Variants in TMC1 observed in about 807,000 individuals in gnomAD.
TMC1 encodes transmembrane channel-like protein 1.
TMC1 carries 84 observed loss-of-function variants against 105.8 expected under a neutral mutation model. The ratio of observed to expected loss-of-function variants is 0.79; its 90% CI spans 0.67 to 0.95. The LOEUF is 0.95. Ranked by LOEUF, TMC1 falls within the 40% of genes least tolerant of loss-of-function variation. The pLI, the probability that TMC1 is intolerant of heterozygous loss-of-function variation, is 0.00. For synonymous variants in TMC1, 315 were observed against 311.5 expected, an observed-to-expected ratio of 1.01 and a Z score of -0.12; for missense variants, 817 against 914.1, an observed-to-expected ratio of 0.89 and a Z score of 1.37.
At chr9:72,669,342 G>A (rs1424931694) in intron 5 of TMC1, among the ~76,000 whole-genome samples, 1 of 152,026 alleles carries the variant, frequency 6.6e-6, no homozygotes, top group Admixed American at 6.6e-5. Flanking sequence ...AATTTACAAA[G>A]TACAGAAAAT....
At chr9:72,829,697 G>T (rs1028418415) in intron 21 of TMC1, among the ~76,000 whole-genome samples, 4 of 152,198 alleles carry the variant, frequency 2.6e-5, no homozygotes, top group Admixed American at 2.0e-4. Flanking sequence ...ATTTTGGGGA[G>T]TAGAGGAAAT....
At position 72,830,502 on chromosome 9, in the gene TMC1, T is replaced by A. The variant is rs532762720; in HGVS notation, c.2181T>A (p.Asn727Lys). The A allele has an allele frequency of 8.1e-6, 13 of 1,613,742 alleles. 1 individual carries two copies. The African/African-American group carries it at 1.7e-4, about 22-fold the overall frequency. Reference protein sequence around the residue: ...NATAKGQKAANLDLKKKMKMQ... With the variant: ...NATAKGQKAAKLDLKKKMKMQ... ...CTGCCAAGGGCCAGAAGGCAGCGAA[T>A]CTGGATCTCAAAAAGAAGATGAAAA... The change falls in exon 22 of 24, where the codon AAT (asparagine) becomes AAA (lysine). Residue 727 changes from asparagine to lysine, a missense_variant. Physicochemically the swap from Asn to Lys is moderately conservative, Grantham distance 94. Transcript: ENST00000297784.
At chr9:72,621,479 T>C (rs1183983559) in intron 3 of TMC1, among the ~76,000 whole-genome samples, 1 of 152,172 alleles carries the variant, frequency 6.6e-6, no homozygotes, top group African/African-American at 2.4e-5. Flanking sequence ...TTTTCCTGAA[T>C]TGTATTTCTT....
chr9:72,561,317 C>CAAAAAAAA (rs375862130), intron 1 of TMC1, among the ~76,000 whole-genome samples: 3 of 76,404 alleles, frequency 3.9e-5, no homozygotes, highest in East Asian at 3.9e-4. Context: ...GACTCCGTCT[C>CAAAAAAAA]AAAAAAAAAA....
chr9:72,778,335 G>A (rs1391457362), intron 13 of TMC1, among the ~76,000 whole-genome samples: 1 of 152,178 alleles, frequency 6.6e-6, no homozygotes, highest in African/African-American at 2.4e-5. Flanking sequence ...TGTAGACTCT[G>A]TGCTGAAGTT....
In TMC1 at chr9:72,772,393, G is replaced by T. The variant is rs369458472; in HGVS notation, c.742-20G>T. ...TGCTCTTCACGACAACTGCTAAGTG[G>T]CTTTGTTGTTGGATTTCAGGGTTTG... On this transcript the variant is annotated intron_variant, in intron 12 of 23. Coordinates refer to ENST00000297784, the MANE Select transcript of TMC1 (RefSeq NM_138691.3). 96 of 1,613,506 alleles carry T rather than the reference G, an allele frequency of 5.9e-5. No individual in the cohort carries two copies. In the African/African-American group the frequency reaches 1.0e-3, roughly 17 times the overall value.
intron 6 of TMC1, among the ~76,000 whole-genome samples, chr9:72,690,113 G>A (rs1796983): frequency 0.51 from 77,745 of 151,360 alleles, 21,255 homozygotes; most frequent in African/African-American, 0.73. Flanking sequence ...TCTTTTGTGT[G>A]TCTTCTATAG....
intron 5 of TMC1, among the ~76,000 whole-genome samples, chr9:72,664,891 T>C (rs1054852969): frequency 6.6e-6 from 1 of 152,154 alleles, no homozygotes; most frequent in African/African-American, 2.4e-5. Context: ...AAGAGCACTG[T>C]AGCACACCCA....
intron 4 of TMC1, among the ~76,000 whole-genome samples, chr9:72,632,385 A>G: frequency 6.6e-6 from 1 of 152,186 alleles, no homozygotes; most frequent in Non-Finnish European, 1.5e-5. Context: ...AGACTTGGAG[A>G]GGACAGAACA....
At chr9:72,830,738 C>CTTTTTTTTTTTT (rs71495342) in intron 23 of TMC1, 56 bp downstream of exon 23, 91 of 1,148,054 alleles carry the variant, frequency 7.9e-5, no homozygotes, top group Middle Eastern at 2.9e-4. Flanking sequence ...CTTTTTCTTT[C>CTTTTTTTTTTTT]TTTTTTTTTT....
At chr9:72,831,640 A>G (rs993782393) in intron 23 of TMC1, among the ~76,000 whole-genome samples, 2 of 151,882 alleles carry the variant, frequency 1.3e-5, no homozygotes, top group Admixed American at 6.5e-5. Context: ...TCCTGTGTCC[A>G]AGTGTTCTCA....
At chr9:72,779,381 T>C (rs905406202) in intron 13 of TMC1, among the ~76,000 whole-genome samples, 3 of 152,312 alleles carry the variant, frequency 2.0e-5, no homozygotes, top group African/African-American at 7.2e-5. Flanking sequence ...CAAATGACCA[T>C]GCTAGCTCCC....
chr9:72,821,036 A>G lies in TMC1; in HGVS notation c.1958A>G (p.Tyr653Cys), dbSNP rs1461930932. 6.2e-7 allele frequency: 1 copy of G among 1,614,206 alleles called. No individual in the cohort carries two copies. The highest frequency in any genetic ancestry group is 8.5e-7 in the Non-Finnish European group (1 of 1,180,030). The change falls in exon 20 of 24, where the codon TAC becomes TGC. Residue 653 changes from tyrosine to cysteine, a missense_variant. Coordinates refer to ENST00000297784, the MANE Select transcript of TMC1 (RefSeq NM_138691.3). Reference protein sequence around the residue: ...ILFLSTMPVLYMIVSLPPSFD... With the variant: ...ILFLSTMPVLCMIVSLPPSFD... ...TTCCTGTCCACAATGCCTGTCTTGTACATGATCGTGTCCCTCCCACCATCT... is the reference window on the plus strand; with the variant it reads ...TTCCTGTCCACAATGCCTGTCTTGTGCATGATCGTGTCCCTCCCACCATCT...
chr9:72,778,224 C>G (rs1389332398), intron 13 of TMC1, among the ~76,000 whole-genome samples: 1 of 152,150 alleles, frequency 6.6e-6, no homozygotes, highest in African/African-American at 2.4e-5. Context: ...AAGATGCAGC[C>G]AGGAAGAGCT....
rs563960605 is a variant in TMC1, at chr9:72,802,227, C to CTACA, written c.1567-3132_1567-3129dup. 7.6e-3 allele frequency among the ~76,000 whole-genome samples: 1,138 copies of CTACA among 149,400 alleles called. 24 individuals are homozygous for CTACA. The East Asian group carries it at 0.1, about 13-fold the overall frequency. On this transcript the variant is annotated intron_variant, in intron 17 of 23. Transcript: ENST00000297784. Reference sequence around the variant, plus strand: ...GGGCAACATAGCAAGACCCCTGTCTCTACATACATACATACATACATACAT... The same window carrying CTACA: ...GGGCAACATAGCAAGACCCCTGTCTCTACATACATACATACATACATACATACAT...
chr9:72,819,446 C>G (rs1828836269), intron 19 of TMC1, among the ~76,000 whole-genome samples: 1 of 152,118 alleles, frequency 6.6e-6, no homozygotes, highest in African/African-American at 2.4e-5. Context: ...TTGGCGTTCC[C>G]TCTCTCTTGC....
At chr9:72,539,228 C>CAA (rs35759919) in intron 1 of TMC1, among the ~76,000 whole-genome samples, 79 of 146,188 alleles carry the variant, frequency 5.4e-4, no homozygotes, top group Middle Eastern at 7.1e-3. Flanking sequence ...ACAAAAAATA[C>CAA]AAAAAAAAAA....
At chr9:72,591,211 C>T (rs571674925) in intron 2 of TMC1, among the ~76,000 whole-genome samples, 1 of 152,220 alleles carries the variant, frequency 6.6e-6, no homozygotes, top group African/African-American at 2.4e-5. Flanking sequence ...GTAGAGGTGG[C>T]ACCTCTACTT....
intron 1 of TMC1, among the ~76,000 whole-genome samples, chr9:72,562,157 A>C (rs1824065636): frequency 6.6e-6 from 1 of 152,218 alleles, no homozygotes; most frequent in South Asian, 2.1e-4. Flanking sequence ...CTGTAATATT[A>C]ACTCAGTAAG....
Sources: gnomAD v4.1 joint callset for allele counts (sites outside exome capture counted in the v4.1 genomes callset) on GRCh38, gnomAD v4.1.1 for gene constraint, MANE v1.5 for transcripts, NCBI Gene and HGNC (gene_info 2026-07-23, HGNC 2026-07-21) for gene names.